TRIM24: variants seen among roughly 807,000 people sequenced by gnomAD.
TRIM24 encodes the protein transcription intermediary factor 1-alpha.
TRIM24 carries 29 observed loss-of-function variants against 123.9 expected under a neutral mutation model. The ratio of observed to expected loss-of-function variants is 0.23; its 90% CI spans 0.17 to 0.32. The LOEUF is 0.32. TRIM24 is among the 10% of genes least tolerant of loss of function. TRIM24 has a pLI of 1.00. For missense variants in TRIM24, 932 were observed against 1,295.3 expected (o/e 0.72, Z 4.31); for synonymous variants, 456 against 461.1 (o/e 0.99, Z 0.14).
chr7:138,515,869 C>A (rs1367979353), intron 3 of TRIM24, among the ~76,000 whole-genome samples: 1 of 152,140 alleles, frequency 6.6e-6, no homozygotes, highest in African/African-American at 2.4e-5. Context: ...ATACATGCAA[C>A]ATAAAATTTG....
At chr7:138,499,949 G>A (rs10267577) in intron 1 of TRIM24, among the ~76,000 whole-genome samples, 3,241 of 152,094 alleles carry the variant, frequency 0.021, 96 homozygotes, top group African/African-American at 0.071. Flanking sequence ...ACTATTTTGC[G>A]TTATATATAT....
At chr7:138,546,594 G>A (rs1797107164) in intron 7 of TRIM24, among the ~76,000 whole-genome samples, 1 of 152,172 alleles carries the variant, frequency 6.6e-6, no homozygotes, top group Non-Finnish European at 1.5e-5. Context: ...GCTCTCAAAA[G>A]TTTTGGAAAA....
In TRIM24 at chr7:138,554,807, C is replaced by T. The variant is rs1305536914; in HGVS notation, c.1371C>T (p.Ser457=). ...GTGGTTTATCATCAAACCAGTTATC[C>T]AAGTTCCCAACACAGATCAGCCTAG... ...PPSGLSSNQL[S]KFPTQISLAQ... is the part of the protein sequence containing the mutation. Residue 457 remains serine (S), a synonymous_variant, in exon 9 of 19, where the codon TCC becomes TCT. Transcript: ENST00000343526. This position sits in a 1 kb window ranked among gnomAD's most constrained non-coding sequence, Gnocchi z 4.5. 22 of 1,614,036 alleles carry T rather than the reference C, an allele frequency of 1.4e-5. No individual in the cohort carries two copies. Among genetic ancestry groups the T allele is most frequent in the Non-Finnish European group, 1.8e-5 (21 of 1,180,022 alleles).
At chr7:138,539,712 TAAA>T (rs1161200422) in intron 7 of TRIM24, among the ~76,000 whole-genome samples, 1 of 151,898 alleles carries the variant, frequency 6.6e-6, no homozygotes, top group Admixed American at 6.6e-5. Flanking sequence ...CCAGTGCATA[TAAA>T]AGTTTTGATT....
chr7:138,552,855 CAT>C (rs1414868123), intron 8 of TRIM24, among the ~76,000 whole-genome samples: 12 of 152,148 alleles, frequency 7.9e-5, no homozygotes, highest in African/African-American at 2.7e-4. Flanking sequence ...GAATACAGAA[CAT>C]GTGTATAAGT....
At chr7:138,505,268 A>G (rs2116530784) in intron 2 of TRIM24, among the ~76,000 whole-genome samples, 1 of 152,330 alleles carries the variant, frequency 6.6e-6, no homozygotes, top group Non-Finnish European at 1.5e-5. Context: ...AGTCTCCTCC[A>G]GAGAAACCAT....
At chr7:138,579,599 C>A in intron 15 of TRIM24, 67 bp downstream of exon 15, 1 of 1,382,624 alleles carries the variant, frequency 7.2e-7, no homozygotes, top group Non-Finnish European at 9.8e-7. Context: ...TAACAGAAAG[C>A]CTTTGAAAAA....
chr7:138,496,227 A>G (rs1292656905), intron 1 of TRIM24, among the ~76,000 whole-genome samples: 1 of 152,176 alleles, frequency 6.6e-6, no homozygotes, highest in Non-Finnish European at 1.5e-5. Context: ...CAATCTAATA[A>G]TGTTTTTAAT....
At chr7:138,527,753 G>A (rs141752457) in intron 5 of TRIM24, among the ~76,000 whole-genome samples, 8 of 152,260 alleles carry the variant, frequency 5.3e-5, no homozygotes, top group South Asian at 2.1e-4. Context: ...GTGTGGTACC[G>A]TATGTTTTTC....
chr7:138,510,752 CAAAT>C (rs750716432), intron 2 of TRIM24, among the ~76,000 whole-genome samples: 14 of 152,188 alleles, frequency 9.2e-5, no homozygotes, highest in African/African-American at 1.4e-4. Flanking sequence ...TTACCTGAAA[CAAAT>C]AAATCTTCTC....
intron 15 of TRIM24, among the ~76,000 whole-genome samples, chr7:138,580,168 T>G (rs1354298714): frequency 6.6e-6 from 1 of 152,126 alleles, no homozygotes; most frequent in Non-Finnish European, 1.5e-5. Context: ...AAGGCCATAC[T>G]TTTGAAAATT....
In TRIM24 at chr7:138,585,737, A is replaced by T. The variant is rs1034154028; in HGVS notation, c.*786A>T. The stretch of plus-strand genomic sequence containing the variant: ...ATACATTTGGGTTTGCTGTGTGTCT[A>T]TGTGAGGTTTAATTGTACAGGTGAT... On this transcript the variant is annotated 3_prime_UTR_variant, in exon 19 of 19. Transcript: ENST00000343526. 23 of 506,612 alleles carry T rather than the reference A, an allele frequency of 4.5e-5. No homozygotes were observed. Among genetic ancestry groups the T allele is most frequent in the African/African-American group, 2.5e-4 (13 of 51,788 alleles). 31.4% of individuals were successfully genotyped at this position (506,612 alleles called of 1,614,324 possible).
intron 1 of TRIM24, among the ~76,000 whole-genome samples, chr7:138,482,268 G>A (rs1795545655): frequency 6.6e-6 from 1 of 152,024 alleles, no homozygotes; most frequent in African/African-American, 2.4e-5. Context: ...TTGACAGCTG[G>A]CAAAGCAAGT....
Position 138,519,077 on chromosome 7 carries a change from G to T in TRIM24, c.632-112G>T. On this transcript the variant is annotated intron_variant, in intron 3 of 18. Coordinates refer to ENST00000343526, the MANE Select transcript of TRIM24 (RefSeq NM_015905.3). The stretch of plus-strand genomic sequence containing the variant: ...TAGTGAAAGTTATGGTATAGTATAG[G>T]TGAAGCTGTAGTGTTTATATCAATA... The T allele has an allele frequency of 4.8e-6, 6 of 1,242,842 alleles. 1 individual carries two copies. The South Asian group carries it at 8.0e-5, about 17-fold the overall frequency. The allele number at this position is 1,242,842 out of a possible 1,614,324, so 77.0% of individuals were successfully genotyped here.
At chr7:138,473,088 T>C (rs1314920535) in intron 1 of TRIM24, among the ~76,000 whole-genome samples, 1 of 152,174 alleles carries the variant, frequency 6.6e-6, no homozygotes, top group African/African-American at 2.4e-5. Context: ...GAGACCAGTC[T>C]GGCCAACATG....
chr7:138,500,281 C>T (rs1230483483), intron 1 of TRIM24, among the ~76,000 whole-genome samples: 1 of 151,906 alleles, frequency 6.6e-6, no homozygotes, highest in Admixed American at 6.6e-5. Flanking sequence ...AATAAGAGGC[C>T]AGGTATGATG....
chr7:138,491,594 A>G (rs575698109), intron 1 of TRIM24, among the ~76,000 whole-genome samples: 49 of 152,294 alleles, frequency 3.2e-4, no homozygotes, highest in Non-Finnish European at 6.8e-4. Flanking sequence ...TTTAGTGGAT[A>G]TTTAGGCTGC....
At chr7:138,463,434 G>A (rs559382514) in intron 1 of TRIM24, among the ~76,000 whole-genome samples, 1 of 152,172 alleles carries the variant, frequency 6.6e-6, no homozygotes, top group East Asian at 1.9e-4. Flanking sequence ...GTTTTGCCAT[G>A]TTGGCCAGGC....
intron 7 of TRIM24, among the ~76,000 whole-genome samples, chr7:138,543,831 G>GTT (rs371780238): frequency 0.018 from 2,665 of 151,596 alleles, 64 homozygotes; most frequent in African/African-American, 0.059. Context: ...TTGGTTTTCT[G>GTT]TTTTTTTTGT....
Sources: gnomAD v4.1 joint callset for allele counts (sites outside exome capture counted in the v4.1 genomes callset) on GRCh38, gnomAD v4.1.1 for gene constraint, Gnocchi (gnomAD v3.1) non-coding constraint, MANE v1.5 for transcripts, NCBI Gene and HGNC (gene_info 2026-07-23, HGNC 2026-07-21) for gene names.